LRRC4C: variants seen among roughly 807,000 people sequenced by gnomAD.
The protein encoded by LRRC4C is leucine-rich repeat-containing protein 4C.
LRRC4C carries 5 observed loss-of-function variants against 33.6 expected under a neutral mutation model. That is an observed-to-expected ratio of 0.15 (90% confidence interval 0.08 to 0.31). The LOEUF (loss-of-function observed/expected upper bound fraction) is 0.31, where lower values mean the gene tolerates loss of function less well. LRRC4C is among the 10% of genes least tolerant of loss of function. The pLI is 1.00. For synonymous variants in LRRC4C, 329 were observed against 302.0 expected, an observed-to-expected ratio of 1.09 and a Z score of -0.93; for missense variants, 560 against 796.7, an observed-to-expected ratio of 0.70 and a Z score of 3.58.
At chr11:40,341,640 AACTAACCTGCACAT>A (rs1946871895) in intron 3 of LRRC4C, among the ~76,000 whole-genome samples, 1 of 152,200 alleles carries the variant, frequency 6.6e-6, no homozygotes, top group Non-Finnish European at 1.5e-5. Flanking sequence ...ATACATATGT[AACTAACCTGCACAT>A]TGTGCACATG....
intron 3 of LRRC4C, among the ~76,000 whole-genome samples, chr11:40,408,529 T>G (rs896971859): frequency 1.3e-5 from 2 of 151,874 alleles, no homozygotes; most frequent in Non-Finnish European, 2.9e-5. Context: ...ATCATAATTA[T>G]TAGAAAAGGA....
chr11:41,258,341 T>C (rs1948868663), intron 1 of LRRC4C, among the ~76,000 whole-genome samples: 1 of 152,006 alleles, frequency 6.6e-6, no homozygotes, highest in Non-Finnish European at 1.5e-5. Context: ...ATGTTAGCCT[T>C]CACGAGTTCT....
rs186681885 is a variant in LRRC4C, at chr11:40,323,024, A to G, written c.-269-3303T>C. On this transcript the variant is annotated intron_variant, in intron 3 of 6. Transcript: ENST00000528697. ...CATGGTAACTTTATTTGACTCACCAATGAAATGAGAAAGTCACAAATCTCT... is the reference window on the plus strand; with the variant it reads ...CATGGTAACTTTATTTGACTCACCAGTGAAATGAGAAAGTCACAAATCTCT... Among the ~76,000 whole-genome samples, 192 of 152,330 alleles carry G rather than the reference A, an allele frequency of 1.3e-3. 1 individual carries two copies. Among genetic ancestry groups the G allele is most frequent in the African/African-American group, 4.3e-3 (178 of 41,578 alleles).
intron 2 of LRRC4C, among the ~76,000 whole-genome samples, chr11:40,661,446 AT>A (rs1358844208): frequency 3.3e-5 from 5 of 152,212 alleles, no homozygotes; most frequent in Admixed American, 1.3e-4. Flanking sequence ...GGAAAATCAT[AT>A]CTATTTTTTA....
intron 3 of LRRC4C, among the ~76,000 whole-genome samples, chr11:40,333,459 G>A (rs1946450167): frequency 6.6e-6 from 1 of 152,044 alleles, no homozygotes; most frequent in Non-Finnish European, 1.5e-5. Flanking sequence ...GCTCACACCT[G>A]TAATCCTAGC....
chr11:40,616,213 C>A (rs925739748), intron 3 of LRRC4C, among the ~76,000 whole-genome samples: 30 of 151,950 alleles, frequency 2.0e-4, no homozygotes, highest in Admixed American at 4.6e-4. Flanking sequence ...CAATGAGATA[C>A]CATCTCACAC....
intron 2 of LRRC4C, among the ~76,000 whole-genome samples, chr11:40,695,109 T>C (rs1945426482): frequency 6.6e-6 from 1 of 152,166 alleles, no homozygotes; most frequent in Non-Finnish European, 1.5e-5. Context: ...CCAACTCTAA[T>C]GCAGTACAAT....
At chr11:41,205,777 T>A (rs1005426870) in intron 1 of LRRC4C, among the ~76,000 whole-genome samples, 1 of 152,188 alleles carries the variant, frequency 6.6e-6, no homozygotes, top group Non-Finnish European at 1.5e-5. Flanking sequence ...AACTTAACTT[T>A]CATAACAACT....
chr11:40,425,520 G>A (rs1565374976), intron 3 of LRRC4C, among the ~76,000 whole-genome samples: 1 of 152,164 alleles, frequency 6.6e-6, no homozygotes, highest in African/African-American at 2.4e-5. Flanking sequence ...AAATTCTGCT[G>A]GTGTTAATCC....
intron 1 of LRRC4C, among the ~76,000 whole-genome samples, chr11:40,956,968 C>A (rs568761606): frequency 6.6e-6 from 1 of 151,806 alleles, no homozygotes; most frequent in Admixed American, 6.6e-5. Context: ...AAAGGGAACT[C>A]AGAGGCAAAG....
chr11:40,629,380 G>A (rs150826876), intron 3 of LRRC4C, among the ~76,000 whole-genome samples: 214 of 152,092 alleles, frequency 1.4e-3, no homozygotes, highest in African/African-American at 4.9e-3. Context: ...AAAAAATGTA[G>A]CATAATTGTC....
intron 2 of LRRC4C, among the ~76,000 whole-genome samples, chr11:40,712,320 T>G (rs1430821072): frequency 6.6e-6 from 1 of 152,224 alleles, no homozygotes; most frequent in African/African-American, 2.4e-5. Context: ...TAAAACGCTT[T>G]GATTTTCACT....
At chr11:41,395,895 GTTTATT>G (rs1468864179) in intron 1 of LRRC4C, among the ~76,000 whole-genome samples, 3 of 152,144 alleles carry the variant, frequency 2.0e-5, no homozygotes, top group Admixed American at 1.3e-4. Context: ...ACTAAAAGTA[GTTTATT>G]TTTATTTGTT....
chr11:40,203,295 T>A (rs915292277), intron 5 of LRRC4C, among the ~76,000 whole-genome samples: 44 of 152,232 alleles, frequency 2.9e-4, no homozygotes, highest in Admixed American at 2.8e-3. Context: ...ACCACAACAT[T>A]TAATAAAAAC....
intron 2 of LRRC4C, among the ~76,000 whole-genome samples, chr11:40,847,288 T>C (rs1429631584): frequency 6.6e-6 from 1 of 152,226 alleles, no homozygotes; most frequent in Non-Finnish European, 1.5e-5. Flanking sequence ...AGGTTTGTCA[T>C]AAATAGCTCT....
chr11:40,561,408 CT>C (rs549919738), intron 3 of LRRC4C, among the ~76,000 whole-genome samples: 32,140 of 100,600 alleles, frequency 0.32, 4,972 homozygotes, highest in East Asian at 0.6. Context: ...CTGAGGATTC[CT>C]TTTTTTTTTT....
chr11:41,378,331 T>C (rs557136930), intron 1 of LRRC4C, among the ~76,000 whole-genome samples: 30 of 152,298 alleles, frequency 2.0e-4, no homozygotes, highest in African/African-American at 6.7e-4. Context: ...TTATTTTATT[T>C]CCATTTCACA....
intron 2 of LRRC4C, among the ~76,000 whole-genome samples, chr11:40,746,148 C>T (rs368926441): frequency 5.0e-4 from 76 of 152,210 alleles, no homozygotes; most frequent in South Asian, 1.9e-3. Flanking sequence ...AAAGGCTAAG[C>T]GAGAGACCCT....
chr11:41,212,519 A>C (rs1307152868), intron 1 of LRRC4C, among the ~76,000 whole-genome samples: 1 of 152,200 alleles, frequency 6.6e-6, no homozygotes, highest in East Asian at 1.9e-4. Context: ...GCACAGATCA[A>C]TCCATCGCTT....
Sources: gnomAD v4.1 joint callset for allele counts (sites outside exome capture counted in the v4.1 genomes callset) on GRCh38, gnomAD v4.1.1 for gene constraint, MANE v1.5 for transcripts, NCBI Gene and HGNC (gene_info 2026-07-23, HGNC 2026-07-21) for gene names.